Variants in INTS8 observed in about 807,000 individuals in gnomAD.
The protein encoded by INTS8 is integrator complex subunit 8, also known as protein kaonashi-1.
In INTS8, 47 loss-of-function variants were observed where a neutral mutation model predicts 138.9. That is an observed-to-expected ratio of 0.34 (90% CI 0.27 to 0.43). The LOEUF (loss-of-function observed/expected upper bound fraction) is 0.43, where lower values mean the gene tolerates loss of function less well. Ranked by LOEUF, INTS8 falls within the 20% of genes least tolerant of loss-of-function variation. The probability of loss-of-function intolerance (pLI) is 1.00; values close to 1 mark genes in which losing one functional copy is unlikely to be tolerated. For missense variants in INTS8, 996 were observed against 1,173.0 expected (o/e 0.85, Z 2.20); for synonymous variants, 392 against 400.9 (o/e 0.98, Z 0.27).
At chr8:94,838,641 A>G (rs1321714364) in intron 8 of INTS8, 23 bp downstream of exon 8, 1 of 1,585,570 alleles carries the variant, frequency 6.3e-7, no homozygotes, top group South Asian at 1.1e-5. Context: ...AGGGGGATGC[A>G]GTGAAGTTTT....
Position 94,873,296 on chromosome 8 carries a change from T to TA in INTS8, c.2534-77dup, listed in dbSNP as rs3214815. On this transcript the variant is annotated intron_variant, in intron 21 of 26. Transcript: ENST00000523731. ...ATCTGCTTTTGTTAACTTATGAAGT[T>TA]ACACCTGACTCTTTACAAAGGAATC... 2.4e-3 allele frequency: 2,234 copies of TA among 941,030 alleles called. 40 individuals are homozygous for TA. In the East Asian group the frequency reaches 0.035, roughly 15 times the overall value. The allele number at this position is 941,030 out of a possible 1,614,324, so 58.3% of individuals were successfully genotyped here. A position where few individuals can be genotyped will look rare whatever the true frequency, so the allele number is the denominator to read the frequency against.
chr8:94,872,760 C>T (rs1055591773), intron 21 of INTS8, among the ~76,000 whole-genome samples: 1 of 152,152 alleles, frequency 6.6e-6, no homozygotes, highest in African/African-American at 2.4e-5. Flanking sequence ...AATAAAATTT[C>T]TGACTAGAAT....
chr8:94,843,495 A>C (rs1815214019), intron 10 of INTS8, among the ~76,000 whole-genome samples: 2 of 152,040 alleles, frequency 1.3e-5, no homozygotes, highest in African/African-American at 4.8e-5. Context: ...TGAAACTAGG[A>C]GGCAGAGGTT....
At position 94,832,152 on chromosome 8, in the gene INTS8, A is replaced by G; in HGVS notation, c.731A>G (p.Lys244Arg). 2 of 1,612,114 alleles carry G rather than the reference A, an allele frequency of 1.2e-6. No individual in the cohort carries two copies. Among genetic ancestry groups the G allele is most frequent in the Non-Finnish European group, 1.7e-6 (2 of 1,179,578 alleles). The change falls in exon 6 of 27, where the codon AAA becomes AGA. Residue 244 changes from lysine (K) to arginine (R), a missense_variant. Coordinates refer to ENST00000523731, the MANE Select transcript of INTS8 (RefSeq NM_017864.4). ...AGTTCTACTGCTGGATTGAAAGTCA[A>G]AACCGAAGAAATGCAGTGCCAGGTA... Reference protein sequence around the residue: ...TESSTAGLKVKTEEMQCQVCY... With the variant: ...TESSTAGLKVRTEEMQCQVCY...
intron 8 of INTS8, 56 bp downstream of exon 8, chr8:94,838,674 C>G (rs1815024238): frequency 1.4e-6 from 2 of 1,411,076 alleles, no homozygotes; most frequent in African/African-American, 1.4e-5. Context: ...AAACTAAGTT[C>G]AAATCCTCGC....
intron 6 of INTS8, among the ~76,000 whole-genome samples, chr8:94,833,548 T>TA (rs1814806319): frequency 1.3e-5 from 2 of 152,046 alleles, no homozygotes; most frequent in Admixed American, 6.6e-5. Flanking sequence ...ATAGGAGTGT[T>TA]ACTGGTATGT....
intron 12 of INTS8, among the ~76,000 whole-genome samples, chr8:94,850,485 G>A (rs535668301): frequency 1.3e-5 from 2 of 152,192 alleles, no homozygotes; most frequent in African/African-American, 4.8e-5. Context: ...GGTGGTGGGC[G>A]CCTGTAGTCC....
chr8:94,856,244 G>A (rs1342045060), intron 14 of INTS8, among the ~76,000 whole-genome samples: 1 of 152,200 alleles, frequency 6.6e-6, no homozygotes, highest in South Asian at 2.1e-4. Context: ...GTAATGATGG[G>A]GGTAGAAGCC....
In INTS8 at chr8:94,856,859, T is replaced by C; in HGVS notation, c.1835T>C (p.Leu612Pro). Residue 612 changes from leucine (L) to proline (P), a missense_variant, in exon 15 of 27, where the codon CTG becomes CCG. Leu to Pro is a moderately conservative substitution (Grantham distance 98). Transcript: ENST00000523731. ...EFSPKLRQVM[L>P]NEMLLLDIHT... is the part of the protein sequence containing the mutation. ...TCACCGAAGCTTCGTCAGGTCATGCTGAATGAGATGTTGCTTTTGGATATT... is the reference window on the plus strand; with the variant it reads ...TCACCGAAGCTTCGTCAGGTCATGCCGAATGAGATGTTGCTTTTGGATATT... 6.2e-7 allele frequency: 1 copy of C among 1,614,158 alleles called. No individual in the cohort carries two copies.
intron 16 of INTS8, among the ~76,000 whole-genome samples, chr8:94,861,693 C>A (rs1353718838): frequency 6.6e-6 from 1 of 151,986 alleles, no homozygotes; most frequent in African/African-American, 2.4e-5. Flanking sequence ...GCTGGGATTA[C>A]AGGCACGCAC....
In INTS8 at chr8:94,880,031, T is replaced by G. The variant is rs149611285; in HGVS notation, c.2872-87T>G. The stretch of plus-strand genomic sequence containing the variant: ...GTTAATCATTAAACTGTATCGTTGT[T>G]AGCACGTAGGTAGCTTTATATTACT... On this transcript the variant is annotated intron_variant, in intron 26 of 26. Coordinates refer to ENST00000523731, the MANE Select transcript of INTS8 (RefSeq NM_017864.4). 4.3e-3 allele frequency: 3,568 copies of G among 833,606 alleles called. 15 individuals carry two copies. Among genetic ancestry groups the G allele is most frequent in the Non-Finnish European group, 5.9e-3 (2,947 of 502,800 alleles). 51.6% of individuals were successfully genotyped at this position (833,606 alleles called of 1,614,324 possible). A position where few individuals can be genotyped will look rare whatever the true frequency, so the allele number is the denominator to read the frequency against.
At position 94,823,368 on chromosome 8, in the gene INTS8, C is replaced by A; in HGVS notation, c.-64C>A. 1 of 1,503,374 alleles carries A rather than the reference C, an allele frequency of 6.7e-7. No individual in the cohort carries two copies. The highest frequency in any genetic ancestry group is 1.3e-5 in the South Asian group (1 of 77,740). 93.1% of individuals were successfully genotyped at this position (1,503,374 alleles called of 1,614,324 possible). ...GGGTTCCGCATACCCCAGGCACCGG[C>A]CCGCATCCAAGTGTCAGGTTGGAGC... On this transcript the variant is annotated 5_prime_UTR_variant, in exon 1 of 27. Coordinates refer to ENST00000523731, the MANE Select transcript of INTS8 (RefSeq NM_017864.4).
chr8:94,831,935 T>C (rs1814733080), intron 5 of INTS8, 57 bp from the exon 6 acceptor site: 1 of 1,367,880 alleles, frequency 7.3e-7, no homozygotes. Context: ...TAAATATTTT[T>C]GGTTATTATA....
rs368546594 is a variant in INTS8 at position 94,873,491 on chromosome 8, G to T, written c.2637+14G>T. ...TATACAGACCAGGTGAATTGTTTTC[G>T]TGGGCTGGCTGGTTTCTTGCCTACC... On this transcript the variant is annotated intron_variant, in intron 22 of 26. Transcript: ENST00000523731. 6.4e-7 allele frequency: 1 copy of T among 1,558,624 alleles called. No individual in the cohort carries two copies.
At chr8:94,856,260 A>T (rs1376381074) in intron 14 of INTS8, among the ~76,000 whole-genome samples, 7 of 152,248 alleles carry the variant, frequency 4.6e-5, no homozygotes, top group Non-Finnish European at 4.4e-5. Context: ...AAGCCAGATT[A>T]TGGGAGTGAA....
rs377729056 is a variant in INTS8 at position 94,838,411 on chromosome 8, C to T, written c.862-52C>T. 35 of 1,443,022 alleles carry T rather than the reference C, an allele frequency of 2.4e-5. 1 individual carries two copies. In the South Asian group the frequency reaches 3.6e-4, roughly 15 times the overall value. 89.4% of individuals were successfully genotyped at this position (1,443,022 alleles called of 1,614,324 possible). ...TAAAACATGCTAAGGGGGTGCTAGA[C>T]TATTGTTTATATTACATGAATGGAT... On this transcript the variant is annotated intron_variant, in intron 7 of 26. Coordinates refer to ENST00000523731, the MANE Select transcript of INTS8 (RefSeq NM_017864.4).
intron 6 of INTS8, among the ~76,000 whole-genome samples, chr8:94,834,362 GGTGTGTGTGTGTGTGTGTGTGT>G (rs35147334): frequency 2.1e-5 from 3 of 144,462 alleles, no homozygotes; most frequent in Admixed American, 7.0e-5. Flanking sequence ...TATGTGCATG[GGTGTGTGTGTGTGTGTGTGTGT>G]GTGTGTGTGT....
intron 25 of INTS8, 69 bp from the exon 26 acceptor site, chr8:94,876,370 CAAAACTG>C: frequency 7.0e-7 from 1 of 1,437,754 alleles, no homozygotes; most frequent in Non-Finnish European, 9.6e-7. Flanking sequence ...TTTTCCAAAT[CAAAACTG>C]AAAATGAGTT....
At position 94,881,574 on chromosome 8, in the gene INTS8, G is replaced by GTGA. The variant is rs1253308497; in HGVS notation, c.*1342_*1344dup. On this transcript the variant is annotated 3_prime_UTR_variant, in exon 27 of 27. Transcript: ENST00000523731. ...CTTTCTGTAAAACTTTAGTAGTTCAGTGATACCAGTTCTACCCAATCTTGG... is the reference window on the plus strand; with the variant it reads ...CTTTCTGTAAAACTTTAGTAGTTCAGTGATGATACCAGTTCTACCCAATCTTGG... 6.4e-6 allele frequency: 10 copies of GTGA among 1,566,916 alleles called. No individual in the cohort carries two copies. The highest frequency in any genetic ancestry group is 1.4e-5 in the African/African-American group (1 of 73,126).
Sources: allele counts gnomAD v4.1 joint callset (sites outside exome capture counted in the v4.1 genomes callset), GRCh38; gene constraint gnomAD v4.1.1; transcripts MANE v1.5; gene names NCBI Gene and HGNC (gene_info 2026-07-23, HGNC 2026-07-21).